The following RIC8B variants were observed in gnomAD, a reference collection of about 807,000 sequenced individuals.
RIC8B encodes the protein chaperone Ric-8B.
In RIC8B, 16 loss-of-function variants were observed where a neutral mutation model predicts 57.5. The observed-to-expected ratio is 0.28, with a 90% CI of 0.19 to 0.42. The LOEUF (loss-of-function observed/expected upper bound fraction) is 0.42, where lower values mean the gene tolerates loss of function less well. RIC8B is among the 10% of genes least tolerant of loss of function. The probability of loss-of-function intolerance (pLI) is 1.00; values close to 1 mark genes in which losing one functional copy is unlikely to be tolerated. For synonymous variants in RIC8B, 216 were observed against 250.8 expected (o/e 0.86, Z 1.31); for missense variants, 481 against 677.0 (o/e 0.71, Z 3.21).
intron 2 of RIC8B, among the ~76,000 whole-genome samples, chr12:106,803,337 A>G (rs965626120): frequency 6.6e-6 from 1 of 151,742 alleles, no homozygotes. Context: ...ATTTTTATAG[A>G]ATCTTTTGTA....
intron 1 of RIC8B, among the ~76,000 whole-genome samples, chr12:106,775,141 C>G (rs2043400585): frequency 1.3e-5 from 2 of 152,198 alleles, no homozygotes; most frequent in Admixed American, 6.5e-5. Context: ...TGCCCCACTC[C>G]TGGATGCATA....
chr12:106,853,453 C>CT (rs758876525), intron 7 of RIC8B, among the ~76,000 whole-genome samples: 2,067 of 37,988 alleles, frequency 0.054, 687 homozygotes, highest in East Asian at 0.097. Flanking sequence ...GCTTTATAGT[C>CT]TTTTTTTTTT....
chr12:106,798,500 G>A (rs967072452), intron 2 of RIC8B, among the ~76,000 whole-genome samples: 3 of 152,110 alleles, frequency 2.0e-5, no homozygotes, highest in African/African-American at 7.2e-5. Context: ...AGTGTAATAA[G>A]GGACCCACAG....
chr12:106,854,076 A>G (rs1454388715), intron 7 of RIC8B, among the ~76,000 whole-genome samples: 1 of 152,206 alleles, frequency 6.6e-6, no homozygotes, highest in East Asian at 1.9e-4. Flanking sequence ...CGAAGGGACT[A>G]TGGGAGATTA....
chr12:106,776,622 C>G (rs12311929), intron 1 of RIC8B, among the ~76,000 whole-genome samples: 1,780 of 152,308 alleles, frequency 0.012, 40 homozygotes, highest in African/African-American at 0.041. Flanking sequence ...TATCTCTTCT[C>G]ATTGGTCTCC....
chr12:106,783,759 C>T (rs895289876), intron 1 of RIC8B, among the ~76,000 whole-genome samples: 1 of 152,206 alleles, frequency 6.6e-6, no homozygotes, highest in Non-Finnish European at 1.5e-5. Flanking sequence ...TCCGGATTTT[C>T]CTGGGCAGTT....
intron 2 of RIC8B, among the ~76,000 whole-genome samples, chr12:106,789,844 G>A (rs1248141383): frequency 6.6e-6 from 1 of 151,574 alleles, no homozygotes; most frequent in African/African-American, 2.4e-5. Context: ...AAACTACATT[G>A]CTATCTCTTT....
chr12:106,800,445 A>C (rs1261263922), intron 2 of RIC8B, among the ~76,000 whole-genome samples: 1 of 152,134 alleles, frequency 6.6e-6, no homozygotes, highest in East Asian at 1.9e-4. Flanking sequence ...ATCCACCCCC[A>C]TGACCCAGTC....
At chr12:106,858,833 C>T (rs944870151) in intron 7 of RIC8B, among the ~76,000 whole-genome samples, 11 of 152,034 alleles carry the variant, frequency 7.2e-5, no homozygotes, top group South Asian at 2.1e-4. Context: ...TTTTCGGTGT[C>T]GTGAGAAGGA....
chr12:106,790,584 G>A (rs190674146), intron 2 of RIC8B, among the ~76,000 whole-genome samples: 3 of 152,164 alleles, frequency 2.0e-5, no homozygotes, highest in Admixed American at 6.5e-5. Flanking sequence ...TGTAGGATTG[G>A]TGGGGAGGAT....
chr12:106,851,440 G>A lies in RIC8B; in HGVS notation c.1162-10G>A, dbSNP rs1441371728. On this transcript the variant is annotated splice_polypyrimidine_tract_variant and intron_variant, in intron 6 of 9. Coordinates refer to ENST00000392837, the MANE Select transcript of RIC8B (RefSeq NM_001330145.2). ...TCGATTGATGATGGTTTTTGCATTT[G>A]TGCCATCAGGTTTTACCACCGTTGA... 1 of 1,554,356 alleles carries A rather than the reference G, an allele frequency of 6.4e-7. No homozygotes were observed. Among genetic ancestry groups the A allele is most frequent in the South Asian group, 1.1e-5 (1 of 89,946 alleles).
intron 3 of RIC8B, 137 bp from the exon 4 acceptor site, chr12:106,825,589 T>A (rs2046058882): frequency 1.6e-6 from 1 of 615,436 alleles, no homozygotes; most frequent in Admixed American, 2.4e-5. Flanking sequence ...CAGGAATTCT[T>A]CCTAGGATAT....
At chr12:106,844,450 A>C (rs1949093469) in intron 6 of RIC8B, among the ~76,000 whole-genome samples, 1 of 152,166 alleles carries the variant, frequency 6.6e-6, no homozygotes, top group South Asian at 2.1e-4. Flanking sequence ...TGGTACACTT[A>C]AGGAAAAGCA....
At chr12:106,797,997 G>A (rs1243398861) in intron 2 of RIC8B, 2 of 705,992 alleles carry the variant, frequency 2.8e-6, no homozygotes, top group Non-Finnish European at 5.2e-6. Context: ...TGTGAGATTT[G>A]ATGGAGAACA....
intron 2 of RIC8B, among the ~76,000 whole-genome samples, chr12:106,801,628 A>G (rs532303646): frequency 6.6e-6 from 1 of 152,298 alleles, no homozygotes; most frequent in African/African-American, 2.4e-5. Context: ...TATAATATTA[A>G]TCTTTTACAT....
chr12:106,868,999 T>C (rs759153038), intron 8 of RIC8B, among the ~76,000 whole-genome samples: 3 of 152,058 alleles, frequency 2.0e-5, no homozygotes, highest in Non-Finnish European at 4.4e-5. Context: ...CCTTTGAAAG[T>C]ACCTTAAGAG....
intron 8 of RIC8B, among the ~76,000 whole-genome samples, chr12:106,862,799 T>C (rs953963142): frequency 6.6e-6 from 1 of 152,180 alleles, no homozygotes; most frequent in African/African-American, 2.4e-5. Flanking sequence ...AAGAATTGTA[T>C]GGAGCTTACA....
intron 4 of RIC8B, among the ~76,000 whole-genome samples, chr12:106,839,620 G>T (rs998491161): frequency 6.6e-6 from 1 of 152,220 alleles, no homozygotes; most frequent in African/African-American, 2.4e-5. Context: ...CTGTGTAGCA[G>T]AGCCTATAGT....
intron 9 of RIC8B, among the ~76,000 whole-genome samples, chr12:106,871,963 T>C (rs917756305): frequency 4.6e-5 from 7 of 152,192 alleles, no homozygotes; most frequent in Admixed American, 2.6e-4. Context: ...AGTATGGATA[T>C]TTATCCACGC....
Sources: allele counts gnomAD v4.1 joint callset (sites outside exome capture counted in the v4.1 genomes callset), GRCh38; gene constraint gnomAD v4.1.1; transcripts MANE v1.5; gene names NCBI Gene and HGNC (gene_info 2026-07-23, HGNC 2026-07-21).